Variants in COA1 observed in about 807,000 individuals in gnomAD.
The protein encoded by COA1 is cytochrome c oxidase assembly factor 1 homolog.
COA1 carries 13 observed loss-of-function variants against 16.0 expected under a neutral mutation model. The observed-to-expected ratio is 0.81, with a 90% CI of 0.53 to 1.29. The LOEUF is 1.29. Ranked by LOEUF, COA1 falls within the 50% of genes most tolerant of loss-of-function variation. COA1 has a pLI of 0.00. For missense variants in COA1, 179 were observed against 177.0 expected (o/e 1.01, Z -0.06); for synonymous variants, 65 against 65.7 (o/e 0.99, Z 0.05).
At chr7:43,663,562 G>A (rs2092637526) in intron 1 of COA1, among the ~76,000 whole-genome samples, 1 of 150,638 alleles carries the variant, frequency 6.6e-6, no homozygotes, top group South Asian at 2.1e-4. Flanking sequence ...TACTGAGGAG[G>A]CTGAGGCAGG....
chr7:43,707,931 A>G (rs946589046), intron 1 of COA1, among the ~76,000 whole-genome samples: 14 of 152,230 alleles, frequency 9.2e-5, no homozygotes, highest in African/African-American at 3.4e-4. Flanking sequence ...CTGCCAGGTT[A>G]CCAAAGTGGT....
chr7:43,685,977 T>C (rs1464058001), intron 1 of COA1, among the ~76,000 whole-genome samples: 3 of 152,254 alleles, frequency 2.0e-5, no homozygotes, highest in Admixed American at 2.0e-4. Flanking sequence ...CTTTCTATTT[T>C]GGTTTATGTA....
At chr7:43,710,348 C>CAAAAAAA (rs1165121530) in intron 1 of COA1, among the ~76,000 whole-genome samples, 17 of 52,446 alleles carry the variant, frequency 3.2e-4, no homozygotes, top group Non-Finnish European at 5.3e-4. Flanking sequence ...GACTCTGTCT[C>CAAAAAAA]AAAAAAAAAA....
chr7:43,725,684 C>T (rs2095602685), intron 1 of COA1, among the ~76,000 whole-genome samples: 1 of 151,980 alleles, frequency 6.6e-6, no homozygotes, highest in African/African-American at 2.4e-5. Flanking sequence ...ATGGTGAAAC[C>T]CCGTCTCTAC....
At position 43,623,503 on chromosome 7, in the gene COA1, TTA is replaced by T. The variant is rs1368957982; in HGVS notation, c.*134-14010_*134-14009del. The T allele has an allele frequency of 2.2e-6, 3 of 1,372,660 alleles. No homozygotes were observed. The East Asian group carries it at 6.9e-5, about 31-fold the overall frequency. 85.0% of individuals were successfully genotyped at this position (1,372,660 alleles called of 1,614,324 possible). ...CTTATAGTTTCTAATGCTTAGTTTT[TTA>T]TCTCTTAGAGCAAATTAGGAATTTT... On this transcript the variant is annotated intron_variant and NMD_transcript_variant, in intron 6 of 6. Transcript: ENST00000415076.
chr7:43,704,563 C>G (rs1487478357), intron 1 of COA1, among the ~76,000 whole-genome samples: 1 of 152,220 alleles, frequency 6.6e-6, no homozygotes, highest in Non-Finnish European at 1.5e-5. Flanking sequence ...AAGGAGCAGT[C>G]TTCAAGTTCT....
At chr7:43,687,901 T>C (rs748059543) in intron 1 of COA1, among the ~76,000 whole-genome samples, 13 of 152,166 alleles carry the variant, frequency 8.5e-5, no homozygotes, top group Non-Finnish European at 1.9e-4. Context: ...CTCCCAGAAT[T>C]GCCATGTGTT....
At chr7:43,689,159 C>G (rs543372907) in intron 1 of COA1, among the ~76,000 whole-genome samples, 135 of 152,302 alleles carry the variant, frequency 8.9e-4, no homozygotes, top group African/African-American at 3.0e-3. Flanking sequence ...CTCCTTGACC[C>G]AGATAGAAAT....
At chr7:43,619,009 G>A (rs1024027929) in intron 6 of COA1, among the ~76,000 whole-genome samples, 18 of 152,166 alleles carry the variant, frequency 1.2e-4, no homozygotes, top group African/African-American at 3.1e-4. Flanking sequence ...AATTGTGAGG[G>A]ATCTGTAGAA....
At chr7:43,718,918 T>C (rs117476915) in intron 1 of COA1, among the ~76,000 whole-genome samples, 3 of 152,104 alleles carry the variant, frequency 2.0e-5, no homozygotes, top group East Asian at 1.9e-4. Flanking sequence ...GCAGTTTTAA[T>C]GGGGTTTCAA....
chr7:43,647,458 T>C (rs996038747), intron 3 of COA1, 77 bp downstream of exon 3: 32 of 990,472 alleles, frequency 3.2e-5, no homozygotes, highest in Non-Finnish European at 5.2e-5. Flanking sequence ...ACAAAGCATC[T>C]CAAGTATTTC....
chr7:43,722,823 T>C (rs1257975161), intron 1 of COA1, among the ~76,000 whole-genome samples: 2 of 147,164 alleles, frequency 1.4e-5, no homozygotes, highest in African/African-American at 4.8e-5. Flanking sequence ...TGAATGCAAG[T>C]GACATCAAAG....
intron 2 of COA1, chr7:43,647,933 G>T: frequency 5.6e-6 from 2 of 354,192 alleles, no homozygotes; most frequent in Non-Finnish European, 1.0e-5. Flanking sequence ...GACAGACACA[G>T]CCCAGACTGT....
chr7:43,697,016 C>T (rs993279918), intron 1 of COA1, among the ~76,000 whole-genome samples: 4 of 151,428 alleles, frequency 2.6e-5, no homozygotes, highest in African/African-American at 9.7e-5. Flanking sequence ...CCCAGCTACT[C>T]GGGAGGCTGA....
At chr7:43,691,054 CA>C (rs1173049196) in intron 1 of COA1, among the ~76,000 whole-genome samples, 58 of 40,036 alleles carry the variant, frequency 1.4e-3, no homozygotes, top group Non-Finnish European at 1.7e-3. Flanking sequence ...CTCATCACTA[CA>C]AAAAAAAAAA....
chr7:43,687,177 GA>G (rs757190651), intron 1 of COA1, among the ~76,000 whole-genome samples: 7 of 152,126 alleles, frequency 4.6e-5, no homozygotes, highest in Admixed American at 6.5e-5. Context: ...AATCTGCCCT[GA>G]AGTTTCCTAT....
chr7:43,662,948 G>T (rs1452101110), intron 1 of COA1, among the ~76,000 whole-genome samples: 1 of 152,182 alleles, frequency 6.6e-6, no homozygotes, highest in Non-Finnish European at 1.5e-5. Context: ...GTATGGATCT[G>T]TTTCTAAAGT....
chr7:43,624,828 G>A (rs1260082945), intron 6 of COA1: 14 of 1,601,122 alleles, frequency 8.7e-6, no homozygotes, highest in Non-Finnish European at 1.0e-5. Flanking sequence ...AATTCCAGGA[G>A]AATTTATCTA....
chr7:43,717,890 G>A (rs572944427), intron 1 of COA1, among the ~76,000 whole-genome samples: 1 of 152,262 alleles, frequency 6.6e-6, no homozygotes, highest in South Asian at 2.1e-4. Flanking sequence ...TTTCCACTTT[G>A]CATCTTTCTC....
Sources: gnomAD v4.1 joint callset for allele counts (sites outside exome capture counted in the v4.1 genomes callset) on GRCh38, gnomAD v4.1.1 for gene constraint, MANE v1.5 for transcripts, NCBI Gene and HGNC (gene_info 2026-07-23, HGNC 2026-07-21) for gene names.